Variants in EPHA5 observed in about 807,000 individuals in gnomAD.
The protein encoded by EPHA5 is EPH receptor A5, also known as ephrin type-A receptor 5.
Under a neutral mutation model 105.0 loss-of-function variants are expected in EPHA5, and 60 were observed. That is an observed-to-expected ratio of 0.57 (90% CI 0.46 to 0.71). The LOEUF is 0.71. Ranked by LOEUF, EPHA5 falls within the 30% of genes least tolerant of loss-of-function variation. EPHA5 has a pLI of 0.00. For synonymous variants in EPHA5, 513 were observed against 449.1 expected (o/e 1.14, Z -1.80); for missense variants, 1,218 against 1,274.7 (o/e 0.96, Z 0.68).
At chr4:65,374,015 T>C (rs193182278) in intron 8 of EPHA5, among the ~76,000 whole-genome samples, 26 of 152,074 alleles carry the variant, frequency 1.7e-4, no homozygotes, top group African/African-American at 6.0e-4. Context: ...CACAGATGAA[T>C]ATTTGAGGAT....
intron 5 of EPHA5, among the ~76,000 whole-genome samples, chr4:65,432,632 A>T (rs995281839): frequency 2.6e-5 from 4 of 151,890 alleles, no homozygotes; most frequent in African/African-American, 9.7e-5. Flanking sequence ...CAGTGGTGCA[A>T]TCTTGACTTA....
intron 2 of EPHA5, among the ~76,000 whole-genome samples, chr4:65,631,240 T>C (rs1263446604): frequency 1.3e-5 from 2 of 152,212 alleles, no homozygotes; most frequent in Non-Finnish European, 2.9e-5. Context: ...TAGTATGCAT[T>C]CCTGTTTTGA....
At chr4:65,418,260 C>T (rs765550142) in intron 6 of EPHA5, among the ~76,000 whole-genome samples, 5 of 152,076 alleles carry the variant, frequency 3.3e-5, no homozygotes, top group African/African-American at 4.8e-5. Flanking sequence ...TATAGAGTAA[C>T]AAAGGTTACA....
chr4:65,581,854 T>C (rs1201586076), intron 3 of EPHA5, among the ~76,000 whole-genome samples: 4 of 151,824 alleles, frequency 2.6e-5, no homozygotes, highest in African/African-American at 9.7e-5. Flanking sequence ...GTTTTAACCA[T>C]GTTTTATTTG....
At chr4:65,636,214 G>C (rs997387666) in intron 2 of EPHA5, among the ~76,000 whole-genome samples, 16 of 152,144 alleles carry the variant, frequency 1.1e-4, no homozygotes, top group Non-Finnish European at 2.4e-4. Flanking sequence ...GCAGAAATTT[G>C]AGTAGCTATG....
At chr4:65,403,827 A>T (rs1278466599) in intron 8 of EPHA5, among the ~76,000 whole-genome samples, 2 of 152,122 alleles carry the variant, frequency 1.3e-5, no homozygotes, top group East Asian at 3.9e-4. Flanking sequence ...ATATATCATG[A>T]TTGAAGTATT....
intron 8 of EPHA5, among the ~76,000 whole-genome samples, chr4:65,392,999 A>T (rs2148960269): frequency 6.6e-6 from 1 of 152,300 alleles, no homozygotes; most frequent in Non-Finnish European, 1.5e-5. Flanking sequence ...GAGAATACTG[A>T]TACATTGTTT....
intron 11 of EPHA5, among the ~76,000 whole-genome samples, chr4:65,364,202 G>A (rs997695079): frequency 4.6e-5 from 7 of 151,680 alleles, no homozygotes; most frequent in African/African-American, 1.4e-4. Context: ...CTCTGAGCAT[G>A]CTTCCTGGAG....
chr4:65,324,422 G>T (rs1054507976), intron 16 of EPHA5, among the ~76,000 whole-genome samples: 18 of 151,328 alleles, frequency 1.2e-4, no homozygotes, highest in African/African-American at 3.4e-4. Context: ...TTTATAATGA[G>T]GAATGATATA....
At chr4:65,330,549 G>A (rs1226593134) in intron 16 of EPHA5, 6 of 434,956 alleles carry the variant, frequency 1.4e-5, no homozygotes, top group Non-Finnish European at 1.9e-5. Context: ...AATAACAAAA[G>A]AGACATTGTT....
intron 5 of EPHA5, among the ~76,000 whole-genome samples, chr4:65,461,757 TG>T (rs1397563122): frequency 6.6e-6 from 1 of 152,048 alleles, no homozygotes; most frequent in Admixed American, 6.5e-5. Flanking sequence ...GCTACAAAAA[TG>T]GGGCACATTT....
intron 1 of EPHA5, among the ~76,000 whole-genome samples, chr4:65,666,107 T>C (rs1050981625): frequency 6.6e-6 from 1 of 152,196 alleles, no homozygotes; most frequent in Admixed American, 6.5e-5. Flanking sequence ...ACTTTTTTTT[T>C]CCTTTTTTAT....
chr4:65,347,508 A>G (rs1722335363), intron 14 of EPHA5, among the ~76,000 whole-genome samples: 1 of 152,256 alleles, frequency 6.6e-6, no homozygotes, highest in South Asian at 2.1e-4. Context: ...TAATTTTAGG[A>G]TTCTATTATT....
chr4:65,573,724 T>G, intron 3 of EPHA5: 1 of 1,601,650 alleles, frequency 6.2e-7, no homozygotes, highest in Non-Finnish European at 8.5e-7. Flanking sequence ...GAGAAGGTTC[T>G]TGCAACTGTT....
intron 4 of EPHA5, among the ~76,000 whole-genome samples, chr4:65,492,727 G>C (rs937999397): frequency 6.6e-6 from 1 of 151,940 alleles, no homozygotes; most frequent in South Asian, 2.1e-4. Context: ...CTTTACTATC[G>C]TAAACAGTGC....
At chr4:65,650,391 CA>C (rs11345574) in intron 1 of EPHA5, among the ~76,000 whole-genome samples, 14,053 of 136,678 alleles carry the variant, frequency 0.1, 1,196 homozygotes, top group African/African-American at 0.25. Flanking sequence ...ACTAAACATA[CA>C]AAAAAAAAAA....
At chr4:65,460,731 A>C (rs1278865065) in intron 5 of EPHA5, among the ~76,000 whole-genome samples, 3 of 151,810 alleles carry the variant, frequency 2.0e-5, no homozygotes, top group Non-Finnish European at 3.0e-5. Context: ...TTGGGAATTA[A>C]TTAGCCTAAA....
chr4:65,656,760 G>A (rs940234531), intron 1 of EPHA5, among the ~76,000 whole-genome samples: 3 of 150,894 alleles, frequency 2.0e-5, no homozygotes, highest in Admixed American at 6.6e-5. Context: ...GACTACAGGT[G>A]CACGCCACCA....
chr4:65,528,809 G>A (rs1015173024), intron 3 of EPHA5, among the ~76,000 whole-genome samples: 2 of 152,046 alleles, frequency 1.3e-5, no homozygotes, highest in Admixed American at 6.6e-5. Flanking sequence ...TTCTTTCCCC[G>A]TTCCATAACC....
Sources: gnomAD v4.1 joint callset for allele counts (sites outside exome capture counted in the v4.1 genomes callset) on GRCh38, gnomAD v4.1.1 for gene constraint, MANE v1.5 for transcripts, NCBI Gene and HGNC (gene_info 2026-07-23, HGNC 2026-07-21) for gene names.